CAMK4: variants seen among roughly 807,000 people sequenced by gnomAD.
The protein encoded by CAMK4 is calcium/calmodulin-dependent protein kinase type IV.
Under a neutral mutation model 44.9 loss-of-function variants are expected in CAMK4, and 22 were observed. That is an observed-to-expected ratio of 0.49 (90% CI 0.35 to 0.70). CAMK4 has a LOEUF of 0.70. Ranked by LOEUF, CAMK4 falls within the 30% of genes least tolerant of loss-of-function variation. The pLI, the probability that CAMK4 is intolerant of heterozygous loss-of-function variation, is 0.01. For synonymous variants in CAMK4, 218 were observed against 215.4 expected (o/e 1.01, Z -0.11); for missense variants, 498 against 586.8 (o/e 0.85, Z 1.56).
At position 111,476,311 on chromosome 5, in the gene CAMK4, G is replaced by C. The variant is rs371602690; in HGVS notation, c.702-2070G>C. 3.3e-5 allele frequency among the ~76,000 whole-genome samples: 5 copies of C among 150,206 alleles called. No homozygotes were observed. The South Asian group carries it at 8.4e-4, about 25-fold the overall frequency. On this transcript the variant is annotated intron_variant, in intron 8 of 10. Coordinates refer to ENST00000282356, the MANE Select transcript of CAMK4 (RefSeq NM_001744.6). ...TGTGTGTGTTTTGAGATGAAGTCTT[G>C]CTCTGTCTCCCAGGCTAGAGTGCAG... is the stretch of plus-strand genomic sequence containing the variant.
At chr5:111,284,558 T>C (rs1751161237) in intron 1 of CAMK4, among the ~76,000 whole-genome samples, 1 of 152,182 alleles carries the variant, frequency 6.6e-6, no homozygotes, top group Admixed American at 6.5e-5. Flanking sequence ...CAGCCTCAGA[T>C]AGTCTCTCTT....
At chr5:111,463,376 C>A (rs1290063458) in intron 7 of CAMK4, among the ~76,000 whole-genome samples, 2 of 152,176 alleles carry the variant, frequency 1.3e-5, no homozygotes, top group African/African-American at 4.8e-5. Context: ...GTATAGGAAG[C>A]AGATTGTTCC....
At chr5:111,313,924 T>G (rs1246634199) in intron 1 of CAMK4, among the ~76,000 whole-genome samples, 2 of 152,098 alleles carry the variant, frequency 1.3e-5, no homozygotes. Context: ...TTGATTGTCC[T>G]TTCAGTAACT....
intron 1 of CAMK4, among the ~76,000 whole-genome samples, chr5:111,314,181 G>A (rs1050059733): frequency 3.3e-5 from 5 of 152,044 alleles, no homozygotes; most frequent in Non-Finnish European, 4.4e-5. Context: ...TGGAGTTTAA[G>A]TATAGGATTT....
At chr5:111,453,298 A>G (rs879600161) in intron 7 of CAMK4, among the ~76,000 whole-genome samples, 3 of 152,228 alleles carry the variant, frequency 2.0e-5, no homozygotes, top group Non-Finnish European at 4.4e-5. Context: ...CAGAGGCAAT[A>G]TCTAGGGTTT....
chr5:111,243,092 T>G (rs1749077789), intron 1 of CAMK4, among the ~76,000 whole-genome samples: 1 of 152,166 alleles, frequency 6.6e-6, no homozygotes, highest in African/African-American at 2.4e-5. Context: ...TTCAATGACT[T>G]GTAGTAAAGC....
intron 9 of CAMK4, among the ~76,000 whole-genome samples, chr5:111,479,567 A>T (rs772160730): frequency 6.6e-6 from 1 of 152,192 alleles, no homozygotes; most frequent in African/African-American, 2.4e-5. Flanking sequence ...CATTTTAAAG[A>T]TGAGAATGCT....
intron 7 of CAMK4, among the ~76,000 whole-genome samples, chr5:111,457,553 C>T (rs1184704982): frequency 1.3e-5 from 2 of 152,176 alleles, no homozygotes; most frequent in African/African-American, 2.4e-5. Flanking sequence ...ATTAGATTCA[C>T]TATGCCAAAA....
At chr5:111,427,604 T>G (rs1173585733) in intron 5 of CAMK4, among the ~76,000 whole-genome samples, 2 of 152,234 alleles carry the variant, frequency 1.3e-5, no homozygotes, top group Admixed American at 1.3e-4. Flanking sequence ...TGGCAGTAGT[T>G]TGGCATTCCT....
intron 4 of CAMK4, among the ~76,000 whole-genome samples, chr5:111,387,097 C>T (rs1045826347): frequency 2.0e-5 from 3 of 152,102 alleles, no homozygotes; most frequent in Non-Finnish European, 4.4e-5. Flanking sequence ...TTTCAAATCA[C>T]GAAACAGAAA....
At chr5:111,251,523 C>G (rs576317523) in intron 1 of CAMK4, among the ~76,000 whole-genome samples, 23 of 152,302 alleles carry the variant, frequency 1.5e-4, no homozygotes, top group Non-Finnish European at 2.9e-4. Context: ...CATCACAAAG[C>G]TGGAAGGAAG....
chr5:111,480,122 C>T (rs1310403721), intron 9 of CAMK4, among the ~76,000 whole-genome samples: 1 of 152,224 alleles, frequency 6.6e-6, no homozygotes, highest in East Asian at 1.9e-4. Flanking sequence ...CCTTTGATCA[C>T]TTTTCACTCT....
chr5:111,456,668 A>T (rs891852418), intron 7 of CAMK4, among the ~76,000 whole-genome samples: 8 of 20,118 alleles, frequency 4.0e-4, no homozygotes, highest in Admixed American at 6.0e-4. Context: ...GTAAACCATT[A>T]AAAAAAAGGT....
intron 2 of CAMK4, among the ~76,000 whole-genome samples, chr5:111,372,040 G>C (rs893745707): frequency 3.3e-5 from 5 of 152,132 alleles, no homozygotes; most frequent in Non-Finnish European, 7.4e-5. Flanking sequence ...ATTCTAAATT[G>C]CTATTTGGTA....
In CAMK4 at chr5:111,323,857, A is replaced by G. The variant is rs1333182829; in HGVS notation, c.162-20167A>G. Among the ~76,000 whole-genome samples the G allele has an allele frequency of 2.0e-5, 3 of 152,058 alleles. No individual in the cohort carries two copies. The South Asian group carries it at 6.2e-4, about 31-fold the overall frequency. On this transcript the variant is annotated intron_variant, in intron 1 of 10. Transcript: ENST00000282356. ...AAATAGAATGTAGGTAATATGAGAGACACATTTTTATTCTGCCCTTACTAT... is the reference window on the plus strand; with the variant it reads ...AAATAGAATGTAGGTAATATGAGAGGCACATTTTTATTCTGCCCTTACTAT...
rs78613833 is a variant in CAMK4 at position 111,456,606 on chromosome 5, T to A, written c.625+7403T>A. 1.6e-3 allele frequency among the ~76,000 whole-genome samples: 246 copies of A among 152,290 alleles called. 6 individuals are homozygous for A. The East Asian group carries it at 0.018, about 11-fold the overall frequency. ...TAAATAGTTTTTTAGATTTTTAAAC[T>A]TACTAAATATGAATGTGATAGTTCC... On this transcript the variant is annotated intron_variant, in intron 7 of 10. Transcript: ENST00000282356.
intron 1 of CAMK4, among the ~76,000 whole-genome samples, chr5:111,263,117 A>G (rs988436491): frequency 5.9e-5 from 9 of 152,142 alleles, no homozygotes; most frequent in Non-Finnish European, 1.3e-4. Context: ...TCATGTCCCC[A>G]TTTTTCTAAA....
chr5:111,346,650 C>T (rs556286077), intron 2 of CAMK4, among the ~76,000 whole-genome samples: 87 of 151,876 alleles, frequency 5.7e-4, no homozygotes, highest in Middle Eastern at 3.2e-3. Flanking sequence ...AATCACAGAG[C>T]TGGCAGGGTT....
chr5:111,439,171 G>A (rs1168209882), intron 5 of CAMK4, among the ~76,000 whole-genome samples: 3 of 152,134 alleles, frequency 2.0e-5, no homozygotes, highest in Non-Finnish European at 4.4e-5. Flanking sequence ...ACACAACATT[G>A]CTGCTGCCCT....
Sources: allele counts gnomAD v4.1 joint callset (sites outside exome capture counted in the v4.1 genomes callset), GRCh38; gene constraint gnomAD v4.1.1; transcripts MANE v1.5; gene names NCBI Gene and HGNC (gene_info 2026-07-23, HGNC 2026-07-21).